The following COPG1 variants were observed in gnomAD, a reference collection of about 807,000 sequenced individuals.
The protein encoded by COPG1 is coat protein complex I subunit gamma 1, also known as coatomer subunit gamma-1.
COPG1 carries 29 observed loss-of-function variants against 102.8 expected under a neutral mutation model. The ratio of observed to expected loss-of-function variants is 0.28; its 90% confidence interval spans 0.21 to 0.38. The LOEUF is 0.38. COPG1 is among the 10% of genes least tolerant of loss of function. The pLI is 1.00. For synonymous variants in COPG1, 406 were observed against 421.6 expected (o/e 0.96, Z 0.45); for missense variants, 875 against 1,132.7 (o/e 0.77, Z 3.27).
At chr3:129,252,232 G>A (rs1398239468) in intron 2 of COPG1, 49 bp from the exon 3 acceptor site, 1 of 1,309,018 alleles carries the variant, frequency 7.6e-7, no homozygotes, top group Non-Finnish European at 1.1e-6. Context: ...TATACTTGAA[G>A]GGAAATGAAC....
intron 5 of COPG1, 191 bp from the exon 6 acceptor site, chr3:129,254,477 C>T: frequency 1.9e-6 from 1 of 537,186 alleles, no homozygotes; most frequent in Non-Finnish European, 3.3e-6. Flanking sequence ...AGGGGGATGA[C>T]CTGTTTGGTT....
chr3:129,254,076 A>T (rs536710943), intron 5 of COPG1, among the ~76,000 whole-genome samples: 17 of 150,482 alleles, frequency 1.1e-4, no homozygotes, highest in African/African-American at 3.9e-4. Flanking sequence ...AGGCGGGTGG[A>T]TCACAAGGTC....
rs2107677050 is a variant in COPG1 at position 129,265,697 on chromosome 3, T to A, written c.1373T>A (p.Leu458His). Residue 458 changes from leucine (L) to histidine (H), a missense_variant, in exon 14 of 24, where the codon CTC becomes CAC. Leu to His is a moderately conservative substitution (Grantham distance 99). Coordinates refer to ENST00000314797, the MANE Select transcript of COPG1 (RefSeq NM_016128.4). ...GTGCTGGCCACCCGTATTCTACATC[T>A]CCTGGGCCAGGAGGGGCCCAAGACC... ...FTVLATRILH[L>H]LGQEGPKTTN... The A allele has an allele frequency of 1.2e-6, 2 of 1,614,128 alleles. No homozygotes were observed. The highest frequency in any genetic ancestry group is 2.2e-5 in the East Asian group (1 of 44,882).
At chr3:129,260,856 G>C in intron 12 of COPG1, 49 bp downstream of exon 12, 1 of 1,578,830 alleles carries the variant, frequency 6.3e-7, no homozygotes, top group South Asian at 1.1e-5. Flanking sequence ...AAGGAGCTCT[G>C]TCCCTGCTCT....
At chr3:129,269,171 C>T (rs561003402) in intron 18 of COPG1, among the ~76,000 whole-genome samples, 171 bp downstream of exon 18, 1 of 152,084 alleles carries the variant, frequency 6.6e-6, no homozygotes, top group Non-Finnish European at 1.5e-5. Context: ...CCTTCAATAT[C>T]TGAGGAATTG....
chr3:129,258,985 GT>G (rs971324067), intron 10 of COPG1, among the ~76,000 whole-genome samples: 2 of 152,172 alleles, frequency 1.3e-5, no homozygotes, highest in Non-Finnish European at 2.9e-5. Context: ...AGAGGGGAGT[GT>G]TTTAGAACAG....
chr3:129,254,752 T>G lies in COPG1; in HGVS notation c.399+9T>G, dbSNP rs1341473707. 3.1e-6 allele frequency: 5 copies of G among 1,611,990 alleles called. No homozygotes were observed. Among genetic ancestry groups the G allele is most frequent in the Non-Finnish European group, 4.2e-6 (5 of 1,178,220 alleles). On this transcript the variant is annotated intron_variant, in intron 6 of 23. Transcript: ENST00000314797. ...TCTGCCAGATCACTGATGTGAGTCG[T>G]GCCGGTTCCTCCCTGCTTCCTGGCC...
rs62831762 is a variant in COPG1 at position 129,277,620 on chromosome 3, T to TTTA, written c.*196_*197insTTA. 4.1e-6 allele frequency: 2 copies of TTTA among 491,532 alleles called. No homozygotes were observed. The highest frequency in any genetic ancestry group is 2.1e-5 in the African/African-American group (1 of 48,038). The allele number at this position is 491,532 out of a possible 1,614,324, so 30.4% of individuals were successfully genotyped here. ...TGGTGACTTTTTTTTTTTTTTTTTT[T>TTTA]AAATAGGGGATGATTTTAGCTTGTC... On this transcript the variant is annotated 3_prime_UTR_variant, in exon 24 of 24. Transcript: ENST00000314797.
At chr3:129,257,162 C>T (rs1311279620) in intron 8 of COPG1, among the ~76,000 whole-genome samples, 1 of 152,250 alleles carries the variant, frequency 6.6e-6, no homozygotes, top group African/African-American at 2.4e-5. Flanking sequence ...CACCAGGTCT[C>T]CCACATTGCT....
intron 19 of COPG1, 143 bp from the exon 20 acceptor site, chr3:129,272,101 A>G: frequency 3.0e-6 from 3 of 1,010,004 alleles, no homozygotes; most frequent in Non-Finnish European, 4.4e-6. Context: ...GATTGTCAGC[A>G]TGAAGACAGG....
intron 15 of COPG1, 74 bp from the exon 16 acceptor site, chr3:129,267,863 A>G: frequency 8.5e-7 from 1 of 1,175,110 alleles, no homozygotes; most frequent in Non-Finnish European, 1.3e-6. Flanking sequence ...ACTTACCTCT[A>G]ATGAAGCCAT....
chr3:129,268,491 C>G lies in COPG1; in HGVS notation c.1649-4C>G, dbSNP rs1237478112. ...CAGGCATGGTGACCTCTCTTCACCT[C>G]CAGGTCTGACTGTGTCCATCCCTGG... On this transcript the variant is annotated splice_polypyrimidine_tract_variant and splice_region_variant and intron_variant, in intron 16 of 23. Transcript: ENST00000314797. 1.2e-6 allele frequency: 2 copies of G among 1,613,888 alleles called. No homozygotes were observed. Among genetic ancestry groups the G allele is most frequent in the East Asian group, 4.5e-5 (2 of 44,898 alleles).
intron 2 of COPG1, among the ~76,000 whole-genome samples, chr3:129,251,221 CCTCT>C (rs1343641806): frequency 1.3e-5 from 2 of 151,258 alleles, no homozygotes; most frequent in Non-Finnish European, 2.9e-5. Context: ...CCGCGCCTGG[CCTCT>C]CTATTTAAAC....
At chr3:129,252,775 C>T in intron 4 of COPG1, 81 bp downstream of exon 4, 1 of 1,538,212 alleles carries the variant, frequency 6.5e-7, no homozygotes, top group Non-Finnish European at 9.0e-7. Flanking sequence ...CTGGCCCCAC[C>T]AGTCAGTGTG....
chr3:129,276,497 GA>G (rs1427205101), intron 23 of COPG1, among the ~76,000 whole-genome samples: 2 of 152,330 alleles, frequency 1.3e-5, no homozygotes, highest in Admixed American at 6.5e-5. Context: ...GAAATGGGAT[GA>G]TTTTTTTTGG....
chr3:129,266,490 G>A (rs547201809), intron 14 of COPG1, among the ~76,000 whole-genome samples: 73 of 152,152 alleles, frequency 4.8e-4, no homozygotes, highest in African/African-American at 1.7e-3. Flanking sequence ...AAGCTTTGTT[G>A]AGATATAATT....
rs1377700370 is a variant in COPG1 at position 129,252,268 on chromosome 3, C to T, written c.91-13C>T. 2 of 1,575,644 alleles carry T rather than the reference C, an allele frequency of 1.3e-6. No homozygotes were observed. Among genetic ancestry groups the T allele is most frequent in the Non-Finnish European group, 1.7e-6 (2 of 1,145,944 alleles). On this transcript the variant is annotated splice_polypyrimidine_tract_variant and intron_variant, in intron 2 of 23. Transcript: ENST00000314797. ...TAGGCTAGAAGGTAACATCTTTGGT[C>T]ATTTCTTCTTAGGCCCGTGTATTTA...
At chr3:129,251,692 C>CTT (rs374077801) in intron 2 of COPG1, among the ~76,000 whole-genome samples, 1 of 136,280 alleles carries the variant, frequency 7.3e-6, no homozygotes, top group Non-Finnish European at 1.6e-5. Context: ...GGCCACTTCT[C>CTT]TTTTTTTTTT....
chr3:129,257,067 A>C (rs960572910), intron 8 of COPG1, among the ~76,000 whole-genome samples: 2 of 152,226 alleles, frequency 1.3e-5, no homozygotes, highest in Admixed American at 1.3e-4. Context: ...TTTCATGGCT[A>C]AGGTGTCCCA....
Sources: gnomAD v4.1 joint callset for allele counts (sites outside exome capture counted in the v4.1 genomes callset) on GRCh38, gnomAD v4.1.1 for gene constraint, MANE v1.5 for transcripts, NCBI Gene and HGNC (gene_info 2026-07-23, HGNC 2026-07-21) for gene names.